COL24A1: variants seen among roughly 807,000 people sequenced by gnomAD.
The protein encoded by COL24A1 is collagen type XXIV alpha 1 chain.
A neutral mutation model predicts 253.9 loss-of-function variants in COL24A1; 224 were observed. The ratio of observed to expected loss-of-function variants is 0.88; its 90% CI spans 0.79 to 0.99. COL24A1 has a LOEUF of 0.99. Ranked by LOEUF, COL24A1 falls within the 50% of genes least tolerant of loss-of-function variation. COL24A1 has a pLI of 0.00. For missense variants in COL24A1, 2,131 were observed against 2,068.5 expected, an observed-to-expected ratio of 1.03 and a Z score of -0.59; for synonymous variants, 685 against 673.7, an observed-to-expected ratio of 1.02 and a Z score of -0.26.
At chr1:85,768,620 A>G (rs1021261318) in intron 53 of COL24A1, among the ~76,000 whole-genome samples, 1 of 151,424 alleles carries the variant, frequency 6.6e-6, no homozygotes, top group Admixed American at 6.6e-5. Context: ...TCTTTTATGT[A>G]GAATCACACA....
At chr1:86,032,797 T>C (rs1424927092) in intron 13 of COL24A1, among the ~76,000 whole-genome samples, 1 of 152,142 alleles carries the variant, frequency 6.6e-6, no homozygotes, top group Non-Finnish European at 1.5e-5. Context: ...TATTATTATA[T>C]TTTAAATGAA....
At chr1:86,139,363 G>T (rs1418543759) in intron 2 of COL24A1, among the ~76,000 whole-genome samples, 1 of 152,142 alleles carries the variant, frequency 6.6e-6, no homozygotes, top group African/African-American at 2.4e-5. Flanking sequence ...TATGCCTAAA[G>T]AAATAGATAT....
At chr1:85,909,117 CT>C (rs1453369421) in intron 26 of COL24A1, among the ~76,000 whole-genome samples, 18 of 151,658 alleles carry the variant, frequency 1.2e-4, no homozygotes, top group Non-Finnish European at 1.9e-4. Flanking sequence ...GGACCACACA[CT>C]TTATGGTATT....
At chr1:86,098,828 C>A (rs772929916) in intron 5 of COL24A1, among the ~76,000 whole-genome samples, 1 of 152,046 alleles carries the variant, frequency 6.6e-6, no homozygotes, top group African/African-American at 2.4e-5. Flanking sequence ...ATTCAAAGGA[C>A]GTAACAGAAT....
rs146900574 is a variant in COL24A1 at position 85,908,073 on chromosome 1, C to T, written c.2724+525G>A. ...GTTCTGCTCAGGGGATCCTAAAGGC[C>T]GATCTTGTTCATATTTTAAGTTCAT... On this transcript the variant is annotated intron_variant, in intron 27 of 59. Transcript: ENST00000370571. Among the ~76,000 whole-genome samples, 356 of 151,708 alleles carry T rather than the reference C, an allele frequency of 2.3e-3. 1 individual carries two copies. The highest frequency in any genetic ancestry group is 8.2e-3 in the African/African-American group (339 of 41,474).
intron 49 of COL24A1, 31 bp from the exon 50 acceptor site, chr1:85,784,197 T>C (rs779026290): frequency 1.9e-6 from 3 of 1,612,102 alleles, no homozygotes; most frequent in East Asian, 4.5e-5. Flanking sequence ...ATAATAATTA[T>C]TGTACAATGG....
At chr1:85,940,431 AAAAAAAAAAG>A in intron 24 of COL24A1, among the ~76,000 whole-genome samples, 1 of 16,128 alleles carries the variant, frequency 6.2e-5, no homozygotes, top group African/African-American at 1.5e-4. Flanking sequence ...AAAAAAAAAA[AAAAAAAAAAG>A]TGCCATAAGA....
intron 24 of COL24A1, among the ~76,000 whole-genome samples, chr1:85,955,774 CA>C (rs753431461): frequency 2.0e-5 from 3 of 152,188 alleles, no homozygotes; most frequent in Non-Finnish European, 2.9e-5. Context: ...GTAGCAAAAC[CA>C]ATCACTGTAT....
intron 55 of COL24A1, among the ~76,000 whole-genome samples, chr1:85,748,592 G>A (rs421014): frequency 6.6e-6 from 1 of 150,618 alleles, no homozygotes; most frequent in East Asian, 2.0e-4. Flanking sequence ...CGCAGAAGAC[G>A]GGTGATTTCT....
chr1:86,019,795 G>A lies in COL24A1; in HGVS notation c.2256+2445C>T, dbSNP rs552227613. Among the ~76,000 whole-genome samples the A allele has an allele frequency of 5.9e-5, 9 of 152,150 alleles. No homozygotes were observed. The South Asian group carries it at 1.9e-3, about 32-fold the overall frequency. On this transcript the variant is annotated intron_variant, in intron 18 of 59. Coordinates refer to ENST00000370571, the MANE Select transcript of COL24A1 (RefSeq NM_152890.7). The stretch of plus-strand genomic sequence containing the variant: ...AGAACAGTACAGAAAGGTGTAAAAT[G>A]AGTAAGTAAAAGCCTCACTCTCACT...
At chr1:85,977,375 GA>G in intron 20 of COL24A1, among the ~76,000 whole-genome samples, 1 of 152,200 alleles carries the variant, frequency 6.6e-6, no homozygotes, top group African/African-American at 2.4e-5. Flanking sequence ...AGAAATCTCT[GA>G]ATTGCCAGAT....
chr1:85,741,076 G>C (rs1373409604), intron 57 of COL24A1, among the ~76,000 whole-genome samples: 1 of 148,044 alleles, frequency 6.8e-6, no homozygotes, highest in East Asian at 2.0e-4. Flanking sequence ...CCGAGATCGA[G>C]CCACTGCACT....
chr1:85,850,985 A>ATGTG (rs377211464), intron 37 of COL24A1, among the ~76,000 whole-genome samples: 84 of 144,684 alleles, frequency 5.8e-4, no homozygotes, highest in South Asian at 1.4e-3. Flanking sequence ...GTGTATGTCT[A>ATGTG]TGTGTGTGTG....
rs763354465 is a variant in COL24A1, at chr1:85,868,773, A to G, written c.3192+9T>C. ...CTATTTTATATATAATCTTAAAAGT[A>G]TAATTTACCTTTAACCCATCTTTTC... On this transcript the variant is annotated intron_variant, in intron 36 of 59. Transcript: ENST00000370571. 9 of 1,534,882 alleles carry G rather than the reference A, an allele frequency of 5.9e-6. No individual in the cohort carries two copies. Among genetic ancestry groups the G allele is most frequent in the African/African-American group, 1.4e-5 (1 of 72,322 alleles).
intron 19 of COL24A1, among the ~76,000 whole-genome samples, chr1:85,996,929 A>G (rs1469429182): frequency 1.3e-5 from 2 of 151,686 alleles, no homozygotes; most frequent in Non-Finnish European, 2.9e-5. Context: ...TTTGTTTTAG[A>G]TACACAGCTA....
rs72952505 is a variant in COL24A1, at chr1:85,814,463, A to G, written c.3951+2325T>C. Among the ~76,000 whole-genome samples, 1,452 of 152,348 alleles carry G rather than the reference A, an allele frequency of 9.5e-3. 23 individuals carry two copies. Among genetic ancestry groups the G allele is most frequent in the African/African-American group, 0.033 (1,376 of 41,572 alleles). ...TTACCTCAATATTGAAGAAAAATGT[A>G]GAGTTGTTAGAAAACGTCTATTTTC... On this transcript the variant is annotated intron_variant, in intron 47 of 59. Transcript: ENST00000370571.
intron 39 of COL24A1, 89 bp from the exon 40 acceptor site, chr1:85,842,482 C>A: frequency 1.1e-6 from 1 of 903,250 alleles, no homozygotes; most frequent in Non-Finnish European, 1.7e-6. Context: ...TAAATTGTTA[C>A]CTTTAGATTT....
At chr1:86,022,771 G>T (rs1447395809) in intron 16 of COL24A1, 62 bp downstream of exon 16, 4 of 1,297,846 alleles carry the variant, frequency 3.1e-6, no homozygotes, top group Admixed American at 3.1e-5. Context: ...AAATTGTGTT[G>T]ACTGAAAAGT....
At position 85,874,700 on chromosome 1, in the gene COL24A1, T is replaced by C. The variant is rs1680934289; in HGVS notation, c.3087A>G (p.Gly1029=). The C allele has an allele frequency of 1.9e-6, 3 of 1,612,152 alleles. No individual in the cohort carries two copies. In the South Asian group the frequency reaches 3.3e-5, roughly 18 times the overall value. The part of the protein sequence containing the change: ...SGLQGEPGAK[G]DVGTAGSVGG... ...CAACACTGCCAGCAGTTCCAACATC[T>C]CCCTGAAGAAACAAAGGGAAAGATT... The change falls in exon 35 of 60, where the codon GGA becomes GGG. Residue 1029 remains glycine (G), a splice_region_variant and synonymous_variant. Transcript: ENST00000370571.
Sources: allele counts gnomAD v4.1 joint callset (sites outside exome capture counted in the v4.1 genomes callset), GRCh38; gene constraint gnomAD v4.1.1; transcripts MANE v1.5; gene names NCBI Gene and HGNC (gene_info 2026-07-23, HGNC 2026-07-21).